Variants in LARP1B observed in about 807,000 individuals in gnomAD.
LARP1B encodes la-related protein 1B.
A neutral mutation model predicts 114.2 loss-of-function variants in LARP1B; 76 were observed. That is an observed-to-expected ratio of 0.67 (90% CI 0.55 to 0.81). The LOEUF (loss-of-function observed/expected upper bound fraction) is 0.81. Among genes scored for constraint, LARP1B ranks in the 30% least tolerant of loss-of-function variants. The probability of loss-of-function intolerance (pLI) is 0.00; values close to 1 mark genes in which losing one functional copy is unlikely to be tolerated. For missense variants in LARP1B, 1,014 were observed against 1,075.8 expected (o/e 0.94, Z 0.80); for synonymous variants, 345 against 348.0 (o/e 0.99, Z 0.10).
At position 128,154,918 on chromosome 4, in the gene LARP1B, C is replaced by T. The variant is rs911649423; in HGVS notation, c.1525-7276C>T. ...CCTCCTGAGTAGCTGGGACTACAGG[C>T]GCCCACCACCACGCCCAGCTAATTT... On this transcript the variant is annotated intron_variant, in intron 11 of 19. Transcript: ENST00000326639. Among the ~76,000 whole-genome samples, 5 of 151,972 alleles carry T rather than the reference C, an allele frequency of 3.3e-5. No individual in the cohort carries two copies. In the East Asian group the frequency reaches 7.7e-4, roughly 23 times the overall value.
intron 8 of LARP1B, among the ~76,000 whole-genome samples, chr4:128,103,725 G>A (rs1781115847): frequency 6.6e-6 from 1 of 151,926 alleles, no homozygotes; most frequent in South Asian, 2.1e-4. Context: ...ACCACGCCTG[G>A]CTAATTTTTG....
At position 128,080,842 on chromosome 4, in the gene LARP1B, C is replaced by T. The variant is rs573785421; in HGVS notation, c.218-1323C>T. Among the ~76,000 whole-genome samples, 4 of 152,062 alleles carry T rather than the reference C, an allele frequency of 2.6e-5. No homozygotes were observed. The East Asian group carries it at 5.8e-4, about 22-fold the overall frequency. ...ACAAATTTTATACTTATCCCTCTTC[C>T]CTCTTATATTTTGAGAAACCTCATT... On this transcript the variant is annotated intron_variant, in intron 4 of 19. Coordinates refer to ENST00000326639, the MANE Select transcript of LARP1B (RefSeq NM_018078.4).
At chr4:128,082,477 T>G (rs1770879955) in intron 5 of LARP1B, among the ~76,000 whole-genome samples, 172 bp downstream of exon 5, 5 of 152,190 alleles carry the variant, frequency 3.3e-5, no homozygotes, top group Admixed American at 3.3e-4. Flanking sequence ...CGTAATGCAA[T>G]TAACAACAAT....
chr4:128,203,461 C>T (rs556940158), intron 17 of LARP1B, among the ~76,000 whole-genome samples: 4 of 151,982 alleles, frequency 2.6e-5, no homozygotes, highest in African/African-American at 9.6e-5. Flanking sequence ...GCAACCTCTG[C>T]CTCCTGGGTT....
intron 7 of LARP1B, among the ~76,000 whole-genome samples, chr4:128,220,687 T>G (rs1759948428): frequency 6.6e-6 from 1 of 152,238 alleles, no homozygotes; most frequent in South Asian, 2.1e-4. Flanking sequence ...GTCCTTTCAC[T>G]TAAGAGTTTG....
At chr4:128,085,128 T>G (rs1772911204) in intron 5 of LARP1B, among the ~76,000 whole-genome samples, 1 of 152,154 alleles carries the variant, frequency 6.6e-6, no homozygotes, top group South Asian at 2.1e-4. Context: ...TGTCCCAAAG[T>G]GCTGGGTTAT....
At chr4:128,140,555 G>A (rs1357690287) in intron 11 of LARP1B, among the ~76,000 whole-genome samples, 1 of 152,192 alleles carries the variant, frequency 6.6e-6, no homozygotes, top group African/African-American at 2.4e-5. Flanking sequence ...TTTGTTCATT[G>A]TGGGGGCTGG....
At chr4:128,156,753 C>A (rs1031465833) in intron 11 of LARP1B, among the ~76,000 whole-genome samples, 1 of 151,672 alleles carries the variant, frequency 6.6e-6, no homozygotes, top group Non-Finnish European at 1.5e-5. Context: ...CTTTGAGAAG[C>A]CTTCAGCTCC....
chr4:128,093,606 G>T (rs915350432), intron 7 of LARP1B, among the ~76,000 whole-genome samples: 1 of 144,006 alleles, frequency 6.9e-6, no homozygotes, highest in South Asian at 2.3e-4. Context: ...AAAAAAGAAA[G>T]AAAAAAAAAT....
At chr4:128,181,180 C>CTTTTTTTTTTTTTTTT (rs70966086) in intron 15 of LARP1B, among the ~76,000 whole-genome samples, 1 of 130,004 alleles carries the variant, frequency 7.7e-6, no homozygotes, top group Non-Finnish European at 1.7e-5. Flanking sequence ...CTCATCCATT[C>CTTTTTTTTTTTTTTTT]TTTTTTTTTT....
chr4:128,213,299 C>T (rs1308759666), downstream of LARP1B, among the ~76,000 whole-genome samples: 1 of 152,112 alleles, frequency 6.6e-6, no homozygotes, highest in African/African-American at 2.4e-5. Flanking sequence ...CCATTTTAAT[C>T]AGGTCACTAA....
intron 1 of LARP1B, chr4:128,062,234 T>A (rs1760424417): frequency 2.0e-6 from 2 of 985,312 alleles, no homozygotes; most frequent in Non-Finnish European, 2.4e-6. Flanking sequence ...GTGGTTGCTC[T>A]GCGTTGGGCA....
intron 13 of LARP1B, among the ~76,000 whole-genome samples, chr4:128,177,943 A>G (rs1347092681): frequency 1.3e-5 from 2 of 151,876 alleles, no homozygotes; most frequent in East Asian, 1.9e-4. Context: ...GAATGGATAA[A>G]TTGTGATATA....
downstream of LARP1B, chr4:128,212,097 G>A (rs540123072): frequency 2.0e-5 from 3 of 151,526 alleles, no homozygotes; most frequent in African/African-American, 7.3e-5. Context: ...TTAAATTGTA[G>A]AGATGGGGTT....
chr4:128,133,908 G>T (rs189408476), intron 11 of LARP1B, among the ~76,000 whole-genome samples: 1 of 152,092 alleles, frequency 6.6e-6, no homozygotes, highest in East Asian at 1.9e-4. Flanking sequence ...TGTTGACCAG[G>T]CTGGTCTTGA....
intron 10 of LARP1B, among the ~76,000 whole-genome samples, chr4:128,118,950 G>A (rs974072693): frequency 1.3e-5 from 2 of 149,528 alleles, no homozygotes; most frequent in African/African-American, 4.9e-5. Context: ...GTGTGATCTC[G>A]GCTCACTGTA....
chr4:128,157,573 CT>C (rs1174755668), intron 11 of LARP1B, among the ~76,000 whole-genome samples: 1 of 151,976 alleles, frequency 6.6e-6, no homozygotes, highest in Non-Finnish European at 1.5e-5. Context: ...AAAACAAAAG[CT>C]GGATAAAAAG....
chr4:128,167,158 G>T (rs1402346531), intron 12 of LARP1B, among the ~76,000 whole-genome samples: 1 of 151,652 alleles, frequency 6.6e-6, no homozygotes, highest in Non-Finnish European at 1.5e-5. Flanking sequence ...TGTGAATAAT[G>T]TGGCAATGGA....
chr4:128,073,417 TCAA>T (rs1356833868), intron 1 of LARP1B, among the ~76,000 whole-genome samples: 2 of 10,062 alleles, frequency 2.0e-4, no homozygotes, highest in Admixed American at 2.1e-3. Context: ...AGATTCCGTC[TCAA>T]AAAAAAAAAA....
Sources: gnomAD v4.1 joint callset for allele counts (sites outside exome capture counted in the v4.1 genomes callset) on GRCh38, gnomAD v4.1.1 for gene constraint, MANE v1.5 for transcripts, NCBI Gene and HGNC (gene_info 2026-07-23, HGNC 2026-07-21) for gene names.